The following KIF6 variants were observed in gnomAD, a reference collection of about 807,000 sequenced individuals.
KIF6 encodes kinesin family member 6, also known as kinesin-like protein KIF6.
A neutral mutation model predicts 112.7 loss-of-function variants in KIF6; 106 were observed. The ratio of observed to expected loss-of-function variants is 0.94; its 90% CI spans 0.80 to 1.11. The LOEUF (loss-of-function observed/expected upper bound fraction) is 1.11. Ranked by LOEUF, KIF6 falls within the 50% of genes least tolerant of loss-of-function variation. KIF6 has a pLI of 0.00. For synonymous variants in KIF6, 339 were observed against 339.9 expected, an observed-to-expected ratio of 1.00 and a Z score of 0.03; for missense variants, 929 against 964.0, an observed-to-expected ratio of 0.96 and a Z score of 0.48.
At chr6:39,462,839 T>C (rs1773561206) in intron 13 of KIF6, among the ~76,000 whole-genome samples, 1 of 152,156 alleles carries the variant, frequency 6.6e-6, no homozygotes, top group Non-Finnish European at 1.5e-5. Flanking sequence ...AGAGAAAATA[T>C]TCAGTTAATT....
At chr6:39,493,284 A>T (rs2150479279) in intron 13 of KIF6, among the ~76,000 whole-genome samples, 1 of 152,336 alleles carries the variant, frequency 6.6e-6, no homozygotes, top group South Asian at 2.1e-4. Flanking sequence ...CATTTTACAG[A>T]TGAGGACATT....
At chr6:39,391,983 A>G (rs1277371213) in intron 15 of KIF6, among the ~76,000 whole-genome samples, 1 of 152,042 alleles carries the variant, frequency 6.6e-6, no homozygotes, top group African/African-American at 2.4e-5. Flanking sequence ...GTATACATGT[A>G]TTTTGGCCCT....
At chr6:39,338,483 A>T (rs1228886384) in intron 22 of KIF6, among the ~76,000 whole-genome samples, 2 of 152,218 alleles carry the variant, frequency 1.3e-5, no homozygotes, top group Non-Finnish European at 2.9e-5. Context: ...TATTTTTAAG[A>T]CATTCTGATC....
chr6:39,515,496 A>C (rs58087685), intron 13 of KIF6, among the ~76,000 whole-genome samples: 69,614 of 152,074 alleles, frequency 0.46, 19,091 homozygotes, highest in African/African-American at 0.77. Context: ...AAGTCCCCTG[A>C]CCACAACTCT....
intron 15 of KIF6, among the ~76,000 whole-genome samples, chr6:39,396,021 A>C (rs969952820): frequency 1.3e-5 from 2 of 152,226 alleles, no homozygotes; most frequent in African/African-American, 4.8e-5. Flanking sequence ...TAGTGCTTAA[A>C]AAAAAGTCAG....
intron 3 of KIF6, among the ~76,000 whole-genome samples, chr6:39,641,260 A>C (rs1346748852): frequency 6.6e-6 from 1 of 152,170 alleles, no homozygotes; most frequent in African/African-American, 2.4e-5. Context: ...GAATAGATGT[A>C]AAATATTCTA....
chr6:39,692,730 T>C (rs4711599), intron 3 of KIF6, among the ~76,000 whole-genome samples: 1 of 152,222 alleles, frequency 6.6e-6, no homozygotes. Context: ...ACCTATACTT[T>C]GATAAATTTA....
rs564286929 is a variant in KIF6, at chr6:39,534,961, T to A, written c.1645+5042A>T. 7.8e-3 allele frequency among the ~76,000 whole-genome samples: 1,195 copies of A among 152,292 alleles called. 17 individuals are homozygous for A. The highest frequency in any genetic ancestry group is 0.026 in the African/African-American group (1,085 of 41,562). On this transcript the variant is annotated intron_variant, in intron 13 of 22. Transcript: ENST00000287152. The stretch of plus-strand genomic sequence containing the variant: ...CCCAGAATTTCATATCCAGCCAAAC[T>A]AAGCTTCATAAGTGAAGGAGAAATA...
chr6:39,390,696 AAT>A (rs1308231191), intron 15 of KIF6, among the ~76,000 whole-genome samples: 1 of 152,164 alleles, frequency 6.6e-6, no homozygotes, highest in African/African-American at 2.4e-5. Context: ...AAATCTGGTT[AAT>A]ATAAACATCA....
At chr6:39,359,496 TG>T (rs1158685575) in intron 18 of KIF6, among the ~76,000 whole-genome samples, 4 of 152,198 alleles carry the variant, frequency 2.6e-5, no homozygotes, top group African/African-American at 9.7e-5. Context: ...AAAACAACGC[TG>T]TAGGATAATA....
intron 15 of KIF6, among the ~76,000 whole-genome samples, chr6:39,412,262 GGTT>G (rs1488433982): frequency 6.6e-6 from 1 of 152,138 alleles, no homozygotes; most frequent in Non-Finnish European, 1.5e-5. Context: ...ACTGGTTATG[GGTT>G]GTTACTCAGA....
At chr6:39,388,942 A>C (rs1461359644) in intron 15 of KIF6, among the ~76,000 whole-genome samples, 2 of 152,180 alleles carry the variant, frequency 1.3e-5, no homozygotes, top group Non-Finnish European at 2.9e-5. Context: ...CATAATTAGT[A>C]ATTTTTCCTT....
chr6:39,658,137 T>C (rs576865802), intron 3 of KIF6, among the ~76,000 whole-genome samples: 1 of 152,306 alleles, frequency 6.6e-6, no homozygotes, highest in South Asian at 2.1e-4. Context: ...TGTGTTAAGT[T>C]TAGACACAAA....
intron 16 of KIF6, among the ~76,000 whole-genome samples, chr6:39,370,829 T>TG (rs1562142866): frequency 6.7e-6 from 1 of 149,316 alleles, no homozygotes; most frequent in African/African-American, 2.5e-5. Context: ...GTGCTGGGGG[T>TG]GGGGGGCAAG....
chr6:39,695,262 G>C (rs1279007762), intron 3 of KIF6, among the ~76,000 whole-genome samples: 1 of 152,024 alleles, frequency 6.6e-6, no homozygotes, highest in Non-Finnish European at 1.5e-5. Flanking sequence ...CTTAGGCAAG[G>C]AATTTATAAC....
At chr6:39,480,142 A>G (rs1210352030) in intron 13 of KIF6, among the ~76,000 whole-genome samples, 1 of 152,090 alleles carries the variant, frequency 6.6e-6, no homozygotes, top group Non-Finnish European at 1.5e-5. Flanking sequence ...TCTCAGAGGG[A>G]GTGCTTTCAA....
At chr6:39,344,834 T>C (rs60704274) in intron 21 of KIF6, among the ~76,000 whole-genome samples, 48,976 of 152,094 alleles carry the variant, frequency 0.32, 10,250 homozygotes, top group African/African-American at 0.6. Flanking sequence ...AAAAACAGAA[T>C]CATATTTAGC....
intron 5 of KIF6, 146 bp downstream of exon 5, chr6:39,634,703 A>G (rs1328775263): frequency 4.6e-6 from 3 of 657,718 alleles, no homozygotes; most frequent in Non-Finnish European, 8.1e-6. Flanking sequence ...AACTGAAAAA[A>G]AAATCCATTA....
intron 13 of KIF6, among the ~76,000 whole-genome samples, chr6:39,512,482 T>A (rs1490526071): frequency 2.6e-5 from 4 of 152,316 alleles, no homozygotes; most frequent in East Asian, 3.9e-4. Context: ...AGGCTGCACA[T>A]CATAGCCTTG....
Sources: gnomAD v4.1 joint callset for allele counts (sites outside exome capture counted in the v4.1 genomes callset) on GRCh38, gnomAD v4.1.1 for gene constraint, MANE v1.5 for transcripts, NCBI Gene and HGNC (gene_info 2026-07-23, HGNC 2026-07-21) for gene names.